The following CANX variants were observed in gnomAD, a reference collection of about 807,000 sequenced individuals.
The protein encoded by CANX is calnexin, also known as epididymis secretory sperm binding protein.
Under a neutral mutation model 75.7 loss-of-function variants are expected in CANX, and 14 were observed. That is an observed-to-expected ratio of 0.19 (90% CI 0.12 to 0.29). The LOEUF is 0.29. Among genes scored for constraint, CANX ranks in the 10% least tolerant of loss-of-function variants. CANX has a pLI of 1.00. For missense variants in CANX, 567 were observed against 713.2 expected (o/e 0.79, Z 2.34); for synonymous variants, 227 against 236.9 (o/e 0.96, Z 0.38).
At position 179,682,951 on chromosome 5, in the gene CANX, G is replaced by A. The variant is rs183181163; in HGVS notation, c.-4+4174G>A. 1.5e-4 allele frequency among the ~76,000 whole-genome samples: 23 copies of A among 152,220 alleles called. No homozygotes were observed. The East Asian group carries it at 2.7e-3, about 18-fold the overall frequency. ...TTTGAAGGACACGTGCCACGTGTGC[G>A]GACAGTGGAAGGAAATGACGTCAGT... On this transcript the variant is annotated intron_variant, in intron 1 of 14. Transcript: ENST00000681674.
At chr5:179,682,840 C>T (rs1776104015) in intron 1 of CANX, among the ~76,000 whole-genome samples, 1 of 152,070 alleles carries the variant, frequency 6.6e-6, no homozygotes, top group Admixed American at 6.6e-5. Flanking sequence ...GGTGAAGGCC[C>T]TTGACATTCT....
At chr5:179,700,932 G>C (rs1410625831) in intron 1 of CANX, 1 of 150,792 alleles carries the variant, frequency 6.6e-6, no homozygotes, top group African/African-American at 2.4e-5. Context: ...GCGCGATCTC[G>C]GCTCACTGCA....
intron 1 of CANX, among the ~76,000 whole-genome samples, chr5:179,688,264 A>G (rs1255780799): frequency 6.6e-6 from 1 of 151,132 alleles, no homozygotes; most frequent in Admixed American, 6.6e-5. Flanking sequence ...CATGTTGGCC[A>G]GGATGGTCTT....
chr5:179,698,099 C>T (rs1776467025), upstream of CANX, among the ~76,000 whole-genome samples: 1 of 152,074 alleles, frequency 6.6e-6, no homozygotes, highest in Non-Finnish European at 1.5e-5. Flanking sequence ...CTCTAAAGGT[C>T]TAGAAAAACC....
At chr5:179,678,953 T>C (rs1283219579) in intron 1 of CANX, 2 of 1,535,482 alleles carry the variant, frequency 1.3e-6, no homozygotes, top group Non-Finnish European at 1.7e-6. Flanking sequence ...CGGCGCGCCG[T>C]AGGCGAGGCC....
intron 7 of CANX, among the ~76,000 whole-genome samples, chr5:179,714,920 A>G (rs1045600678): frequency 2.0e-5 from 3 of 151,732 alleles, no homozygotes; most frequent in Non-Finnish European, 4.4e-5. Flanking sequence ...GTGCACCAAC[A>G]TGCCCACCTA....
intron 7 of CANX, among the ~76,000 whole-genome samples, chr5:179,710,833 A>C (rs900307199): frequency 2.0e-5 from 3 of 151,354 alleles, no homozygotes; most frequent in African/African-American, 7.3e-5. Flanking sequence ...CGGGCGGATC[A>C]CTTGAGATCA....
chr5:179,720,872 C>T (rs1297694843), intron 10 of CANX, among the ~76,000 whole-genome samples: 1 of 152,052 alleles, frequency 6.6e-6, no homozygotes, highest in Non-Finnish European at 1.5e-5. Context: ...CAACCTCTGC[C>T]TTCCGGTTTC....
At chr5:179,719,603 A>AT (rs2113237652) in intron 8 of CANX, 65 bp from the exon 9 acceptor site, 1 of 852,074 alleles carries the variant, frequency 1.2e-6, no homozygotes, top group Non-Finnish European at 1.9e-6. Flanking sequence ...CTCTGTTCTG[A>AT]TCCACAAAGT....
chr5:179,709,504 A>T (rs999365856), intron 6 of CANX, among the ~76,000 whole-genome samples: 2 of 152,136 alleles, frequency 1.3e-5, no homozygotes, highest in African/African-American at 2.4e-5. Context: ...GGGAAAATTG[A>T]CTTTGACGCT....
At chr5:179,705,956 A>G in intron 2 of CANX, 104 bp downstream of exon 2, 1 of 869,346 alleles carries the variant, frequency 1.2e-6, no homozygotes, top group Non-Finnish European at 1.8e-6. Context: ...CAGGAGGCCT[A>G]GGACAGGAGT....
intron 1 of CANX, chr5:179,679,036 C>A: frequency 6.5e-7 from 1 of 1,534,398 alleles, no homozygotes; most frequent in Non-Finnish European, 8.7e-7. Context: ...GCAGTGGCGG[C>A]CGCCGTGGCG....
At chr5:179,680,729 CTA>C (rs1776041329) in intron 1 of CANX, 1 of 597,054 alleles carries the variant, frequency 1.7e-6, no homozygotes, top group Admixed American at 2.8e-5. Flanking sequence ...AAAAAGGGAG[CTA>C]TGTGTTGTTT....
At position 179,729,106 on chromosome 5, in the gene CANX, C is replaced by T. The variant is rs1778850748; in HGVS notation, c.*462C>T. The T allele has an allele frequency of 5.1e-6, 1 of 197,144 alleles. No individual in the cohort carries two copies. Among genetic ancestry groups the T allele is most frequent in the Non-Finnish European group, 1.1e-5 (1 of 94,490 alleles). 12.2% of individuals were successfully genotyped at this position (197,144 alleles called of 1,614,324 possible). A position where few individuals can be genotyped will look rare whatever the true frequency, so the allele number is the denominator to read the frequency against. ...TTGTAAAACATTCACACCTCTGTCC[C>T]TCAAAATTGATAATTACGTTTAAAG... On this transcript the variant is annotated 3_prime_UTR_variant, in exon 15 of 15. Transcript: ENST00000247461.
chr5:179,691,207 TAG>T (rs1776293718), intron 1 of CANX, among the ~76,000 whole-genome samples: 1 of 151,890 alleles, frequency 6.6e-6, no homozygotes, highest in South Asian at 2.1e-4. Context: ...GTATTTTTGG[TAG>T]AGATGGGGTT....
chr5:179,720,566 T>A lies in CANX; in HGVS notation c.1182+6T>A, dbSNP rs1294989293. The A allele has an allele frequency of 1.9e-6, 3 of 1,613,196 alleles. No homozygotes were observed. In the Admixed American group the frequency reaches 5.0e-5, roughly 27 times the overall value. On this transcript the variant is annotated splice_donor_region_variant and intron_variant, in intron 10 of 14. Transcript: ENST00000247461. ...TTGACAATCCCAGTTACCAGGTTTGTGCCTCTTGATGGTTGAGTTGCTTTC... is the reference window on the plus strand; with the variant it reads ...TTGACAATCCCAGTTACCAGGTTTGAGCCTCTTGATGGTTGAGTTGCTTTC...
At chr5:179,684,884 G>GTACT (rs1776157044) in intron 1 of CANX, among the ~76,000 whole-genome samples, 1 of 144,218 alleles carries the variant, frequency 6.9e-6, no homozygotes. Context: ...AGCCTCCTAA[G>GTACT]TGGGATTACA....
intron 7 of CANX, among the ~76,000 whole-genome samples, chr5:179,710,633 G>A (rs1254763978): frequency 5.0e-5 from 7 of 140,422 alleles, no homozygotes; most frequent in Admixed American, 1.5e-4. Flanking sequence ...GCACGAACCC[G>A]GGAGGCAGAG....
chr5:179,711,521 G>C (rs1020512008), intron 7 of CANX, among the ~76,000 whole-genome samples: 2 of 152,178 alleles, frequency 1.3e-5, no homozygotes, highest in African/African-American at 4.8e-5. Flanking sequence ...AGGCATGGTG[G>C]CTCGTGCCTA....
Sources: gnomAD v4.1 joint callset for allele counts (sites outside exome capture counted in the v4.1 genomes callset) on GRCh38, gnomAD v4.1.1 for gene constraint, MANE v1.5 for transcripts, NCBI Gene and HGNC (gene_info 2026-07-23, HGNC 2026-07-21) for gene names.